The following CSDE1 variants were observed in gnomAD, a reference collection of about 807,000 sequenced individuals.
CSDE1 encodes cold shock domain-containing protein E1.
Under a neutral mutation model 89.3 loss-of-function variants are expected in CSDE1, and 17 were observed. The ratio of observed to expected loss-of-function variants is 0.19; its 90% confidence interval spans 0.13 to 0.29. The LOEUF is 0.29. Ranked by LOEUF, CSDE1 falls within the 10% of genes least tolerant of loss-of-function variation. The probability of loss-of-function intolerance (pLI) is 1.00; values close to 1 mark genes in which losing one functional copy is unlikely to be tolerated. For synonymous variants in CSDE1, 322 were observed against 332.8 expected (o/e 0.97, Z 0.35); for missense variants, 672 against 984.2 (o/e 0.68, Z 4.24).
intron 16 of CSDE1, among the ~76,000 whole-genome samples, chr1:114,722,931 A>C (rs548805932): frequency 5.1e-4 from 78 of 152,346 alleles, no homozygotes; most frequent in African/African-American, 1.9e-3. Context: ...CCTGCTATTC[A>C]GCACTTTATG....
rs1659258204 is a variant in CSDE1 at position 114,717,626 on chromosome 1, C to T, written c.*543G>A. The T allele has an allele frequency of 6.6e-6, 1 of 152,498 alleles. No individual in the cohort carries two copies. Among genetic ancestry groups the T allele is most frequent in the African/African-American group, 2.4e-5 (1 of 41,400 alleles). The allele number at this position is 152,498 out of a possible 1,614,324, so 9.4% of individuals were successfully genotyped here. A position where few individuals can be genotyped will look rare whatever the true frequency, so the allele number is the denominator to read the frequency against. On this transcript the variant is annotated 3_prime_UTR_variant, in exon 20 of 20. Coordinates refer to ENST00000358528, the MANE Select transcript of CSDE1 (RefSeq NM_001007553.3). The stretch of plus-strand genomic sequence containing the variant: ...AAATAACATTTTAAAATTTGGCCAT[C>T]AACTTTAAGAAATGGTTTGCCTATA...
chr1:114,725,476 T>C, intron 14 of CSDE1, 143 bp from the exon 15 acceptor site: 1 of 674,304 alleles, frequency 1.5e-6, no homozygotes, highest in East Asian at 2.6e-5. Context: ...ATGTATTGAC[T>C]CATTTAATCC....
intron 12 of CSDE1, among the ~76,000 whole-genome samples, chr1:114,728,164 T>C (rs1659903012): frequency 6.6e-6 from 1 of 152,170 alleles, no homozygotes; most frequent in African/African-American, 2.4e-5. Context: ...TTTTCCCTCA[T>C]TTTACAAATT....
At position 114,733,613 on chromosome 1, in the gene CSDE1, C is replaced by A. The variant is rs568321809; in HGVS notation, c.837+119G>T. The A allele has an allele frequency of 1.7e-5, 13 of 751,898 alleles. No homozygotes were observed. The South Asian group carries it at 2.5e-4, about 14-fold the overall frequency. 46.6% of individuals were successfully genotyped at this position (751,898 alleles called of 1,614,324 possible). On this transcript the variant is annotated intron_variant, in intron 9 of 19. Transcript: ENST00000358528. ...AGTTTAAATATACGTAACAAGAGGTCCTTAGTTGTTCCACTACCACATTAT... is the reference window on the plus strand; with the variant it reads ...AGTTTAAATATACGTAACAAGAGGTACTTAGTTGTTCCACTACCACATTAT...
chr1:114,746,275 G>A (rs559011714), intron 2 of CSDE1, among the ~76,000 whole-genome samples: 1 of 152,198 alleles, frequency 6.6e-6, no homozygotes, highest in East Asian at 1.9e-4. Flanking sequence ...ATAAAGTACT[G>A]AGTGATTACA....
At chr1:114,752,606 T>C (rs998285159) in intron 1 of CSDE1, among the ~76,000 whole-genome samples, 1 of 152,212 alleles carries the variant, frequency 6.6e-6, no homozygotes, top group Non-Finnish European at 1.5e-5. Flanking sequence ...CCTCGCCTAA[T>C]CCTTAAACAC....
chr1:114,727,530 T>C (rs1023800414), intron 12 of CSDE1, among the ~76,000 whole-genome samples: 2 of 152,168 alleles, frequency 1.3e-5, no homozygotes, highest in Non-Finnish European at 1.5e-5. Flanking sequence ...ATAATGTCAA[T>C]CAATATACTT....
chr1:114,723,699 A>T lies in CSDE1; in HGVS notation c.1873+184T>A, dbSNP rs531977322. ...CAAAGCAGTCACGTTTTCACTATTT[A>T]AACCCAGACTGACCTCATTTTCAAG... On this transcript the variant is annotated intron_variant, in intron 16 of 19. Coordinates refer to ENST00000358528, the MANE Select transcript of CSDE1 (RefSeq NM_001007553.3). Among the ~76,000 whole-genome samples, 18 of 152,348 alleles carry T rather than the reference A, an allele frequency of 1.2e-4. No homozygotes were observed. In the East Asian group the frequency reaches 2.9e-3, roughly 24 times the overall value.
intron 18 of CSDE1, 131 bp downstream of exon 18, chr1:114,719,448 A>G: frequency 1.0e-6 from 1 of 962,358 alleles, no homozygotes; most frequent in Non-Finnish European, 1.5e-6. Context: ...GTATTCAACT[A>G]GAAGTAGGAA....
At chr1:114,756,220 A>C (rs915123526) in intron 1 of CSDE1, among the ~76,000 whole-genome samples, 22 of 152,368 alleles carry the variant, frequency 1.4e-4, no homozygotes, top group African/African-American at 5.0e-4. Flanking sequence ...CAAATACTTT[A>C]GTTTTCAACT....
At chr1:114,719,469 A>AT (rs1225340678) in intron 18 of CSDE1, 110 bp downstream of exon 18, 4 of 1,112,070 alleles carry the variant, frequency 3.6e-6, no homozygotes, top group Non-Finnish European at 5.0e-6. Flanking sequence ...GTATCAAGAA[A>AT]TAATAAGTGG....
chr1:114,727,150 A>G (rs1659842262), intron 12 of CSDE1, 60 bp from the exon 13 acceptor site: 3 of 1,167,348 alleles, frequency 2.6e-6, no homozygotes, highest in South Asian at 1.2e-5. Flanking sequence ...ACCAATAAAA[A>G]CAACTATAGT....
At chr1:114,745,682 C>T (rs1428113006) in intron 2 of CSDE1, among the ~76,000 whole-genome samples, 2 of 152,186 alleles carry the variant, frequency 1.3e-5, no homozygotes, top group Non-Finnish European at 2.9e-5. Context: ...TATCTCCAGC[C>T]TCATAAAGTT....
chr1:114,743,565 T>C (rs1157779546), intron 2 of CSDE1, among the ~76,000 whole-genome samples: 1 of 152,206 alleles, frequency 6.6e-6, no homozygotes, highest in Non-Finnish European at 1.5e-5. Context: ...ATCTGAAATA[T>C]ATATGCCTTA....
At chr1:114,751,265 TAAAC>T (rs1430752696) in intron 1 of CSDE1, among the ~76,000 whole-genome samples, 1 of 152,208 alleles carries the variant, frequency 6.6e-6, no homozygotes, top group Non-Finnish European at 1.5e-5. Context: ...AGCTATAAAA[TAAAC>T]AACAATTTTG....
chr1:114,739,964 T>A, intron 2 of CSDE1, 74 bp from the exon 3 acceptor site: 1 of 1,256,638 alleles, frequency 8.0e-7, no homozygotes, highest in Non-Finnish European at 1.1e-6. Flanking sequence ...GGTTAATAAG[T>A]CACTAAATCT....
chr1:114,745,012 CTT>C (rs757221101), intron 2 of CSDE1, among the ~76,000 whole-genome samples: 19 of 151,586 alleles, frequency 1.3e-4, no homozygotes, highest in Non-Finnish European at 2.2e-4. Context: ...TAAAAAAAAA[CTT>C]GAATTTTTGC....
intron 2 of CSDE1, among the ~76,000 whole-genome samples, chr1:114,743,526 T>C (rs1007944082): frequency 2.0e-5 from 3 of 152,184 alleles, no homozygotes; most frequent in African/African-American, 4.8e-5. Flanking sequence ...ATAGTTCTGA[T>C]TACTATTAAA....
Position 114,730,261 on chromosome 1 carries a change from C to T in CSDE1, c.1353G>A (p.Glu451=), listed in dbSNP as rs769431091. ...ATTTGGATTATGCAAAACCTACCTT[C>T]TCTTTGCCTTTATTTGGGCTAGTGG... ...PKTTSPNKGK[E]KEAEDGIIAY... is the part of the protein sequence containing the mutation. Residue 451 remains glutamate (E), a synonymous_variant, in exon 12 of 20, where the codon GAG becomes GAA. Coordinates refer to ENST00000358528, the MANE Select transcript of CSDE1 (RefSeq NM_001007553.3). The T allele has an allele frequency of 1.2e-6, 2 of 1,612,576 alleles. No homozygotes were observed.
Sources: gnomAD v4.1 joint callset for allele counts (sites outside exome capture counted in the v4.1 genomes callset) on GRCh38, gnomAD v4.1.1 for gene constraint, MANE v1.5 for transcripts, NCBI Gene and HGNC (gene_info 2026-07-23, HGNC 2026-07-21) for gene names.